NCKAP5: variants seen among roughly 807,000 people sequenced by gnomAD.
The protein encoded by NCKAP5 is NCK associated protein 5, also known as nck-associated protein 5.
Under a neutral mutation model 167.0 loss-of-function variants are expected in NCKAP5, and 92 were observed. The observed-to-expected ratio is 0.55, with a 90% CI of 0.47 to 0.66. NCKAP5 has a LOEUF of 0.66. Among genes scored for constraint, NCKAP5 ranks in the 30% least tolerant of loss-of-function variants. The pLI is 0.00. For missense variants in NCKAP5, 2,378 were observed against 2,315.0 expected (o/e 1.03, Z -0.56); for synonymous variants, 891 against 877.4 (o/e 1.02, Z -0.27).
intron 16 of NCKAP5, among the ~76,000 whole-genome samples, chr2:132,771,499 T>C (rs1350633838): frequency 6.6e-6 from 1 of 152,168 alleles, no homozygotes; most frequent in African/African-American, 2.4e-5. Context: ...ATTGAAGAAA[T>C]TTTTTCCAAT....
intron 9 of NCKAP5, among the ~76,000 whole-genome samples, chr2:132,876,382 G>A (rs1232154516): frequency 6.6e-6 from 1 of 152,152 alleles, no homozygotes; most frequent in Non-Finnish European, 1.5e-5. Context: ...ATAGATATAA[G>A]CCACTGTGCC....
chr2:133,537,840 T>C (rs1303114671), intron 2 of NCKAP5, among the ~76,000 whole-genome samples: 1 of 152,166 alleles, frequency 6.6e-6, no homozygotes, highest in East Asian at 1.9e-4. Flanking sequence ...TTAGAATAAA[T>C]TATAAGACTT....
At chr2:133,243,565 T>G (rs2087828692) in intron 4 of NCKAP5, among the ~76,000 whole-genome samples, 1 of 152,200 alleles carries the variant, frequency 6.6e-6, no homozygotes, top group East Asian at 1.9e-4. Context: ...AACCATTTCT[T>G]ACCCTCACGG....
At chr2:133,256,310 G>T (rs1002671512) in intron 4 of NCKAP5, among the ~76,000 whole-genome samples, 15 of 151,816 alleles carry the variant, frequency 9.9e-5, no homozygotes, top group African/African-American at 3.1e-4. Flanking sequence ...TTACATTGAG[G>T]CATCTAGATG....
At chr2:132,737,705 T>C (rs1029551618) in intron 16 of NCKAP5, among the ~76,000 whole-genome samples, 1 of 152,190 alleles carries the variant, frequency 6.6e-6, no homozygotes, top group Non-Finnish European at 1.5e-5. Flanking sequence ...TAGGGGTGCT[T>C]TGAGGACTAG....
At chr2:133,442,282 G>C (rs1171852258) in intron 3 of NCKAP5, among the ~76,000 whole-genome samples, 2 of 152,110 alleles carry the variant, frequency 1.3e-5, no homozygotes, top group Admixed American at 1.3e-4. Flanking sequence ...TCTAGACAGA[G>C]CTATGCACAT....
intron 12 of NCKAP5, among the ~76,000 whole-genome samples, chr2:132,796,246 G>C (rs1181564247): frequency 6.6e-6 from 1 of 151,568 alleles, no homozygotes; most frequent in Admixed American, 6.6e-5. Context: ...CCCAGCTAGA[G>C]AAAAAAAATG....
intron 4 of NCKAP5, among the ~76,000 whole-genome samples, chr2:133,294,705 T>C (rs1679840405): frequency 6.6e-6 from 1 of 152,224 alleles, no homozygotes; most frequent in Admixed American, 6.5e-5. Flanking sequence ...TTCACTCTAC[T>C]TAGTTAAGAC....
chr2:132,925,090 A>C (rs1421894888), intron 8 of NCKAP5, among the ~76,000 whole-genome samples: 2 of 152,100 alleles, frequency 1.3e-5, no homozygotes, highest in African/African-American at 2.4e-5. Context: ...TTTTGGCACC[A>C]AGGACCAGTT....
chr2:133,484,868 AC>A (rs1680768113), intron 3 of NCKAP5, among the ~76,000 whole-genome samples: 1 of 152,224 alleles, frequency 6.6e-6, no homozygotes, highest in African/African-American at 2.4e-5. Context: ...AGGATACTCG[AC>A]CAGTATGACC....
intron 3 of NCKAP5, among the ~76,000 whole-genome samples, chr2:133,434,848 A>G: frequency 6.6e-6 from 1 of 152,232 alleles, no homozygotes; most frequent in South Asian, 2.1e-4. Context: ...AATTCAATAC[A>G]GGACTGACAG....
At chr2:133,542,629 G>A (rs985431867) in intron 2 of NCKAP5, among the ~76,000 whole-genome samples, 4 of 152,192 alleles carry the variant, frequency 2.6e-5, no homozygotes, top group African/African-American at 9.7e-5. Flanking sequence ...AGTGGCTCCA[G>A]TGTTTGCACA....
chr2:133,430,946 A>G (rs1690123749), intron 3 of NCKAP5, among the ~76,000 whole-genome samples: 1 of 152,024 alleles, frequency 6.6e-6, no homozygotes, highest in Non-Finnish European at 1.5e-5. Context: ...TATCATCAGG[A>G]AGCCAAAATT....
At chr2:133,466,233 G>C (rs1575004600) in intron 3 of NCKAP5, among the ~76,000 whole-genome samples, 1 of 147,702 alleles carries the variant, frequency 6.8e-6, no homozygotes, top group East Asian at 2.0e-4. Flanking sequence ...CATATGGCTA[G>C]CCAGTTTTCC....
chr2:133,022,300 G>GA (rs1559059711), intron 6 of NCKAP5, among the ~76,000 whole-genome samples: 1 of 152,190 alleles, frequency 6.6e-6, no homozygotes, highest in Non-Finnish European at 1.5e-5. Flanking sequence ...ATCTACAAAG[G>GA]AAATCTTCAT....
intron 16 of NCKAP5, among the ~76,000 whole-genome samples, chr2:132,766,278 CAAA>C (rs70973405): frequency 1.8e-4 from 7 of 38,424 alleles, no homozygotes; most frequent in Admixed American, 7.7e-4. Flanking sequence ...GATTCTGTCT[CAAA>C]AAAAAAAAAA....
chr2:132,975,734 G>A (rs948001061), intron 7 of NCKAP5, among the ~76,000 whole-genome samples: 2 of 151,672 alleles, frequency 1.3e-5, no homozygotes, highest in South Asian at 2.1e-4. Context: ...ATGCCATGTA[G>A]ATAGGGAATT....
intron 5 of NCKAP5, among the ~76,000 whole-genome samples, chr2:133,192,573 A>G (rs1417110108): frequency 6.6e-6 from 1 of 152,112 alleles, no homozygotes; most frequent in Non-Finnish European, 1.5e-5. Context: ...AATACAATTC[A>G]ATTAGAAAAC....
chr2:132,784,154 T>G lies in NCKAP5; in HGVS notation c.2657A>C (p.Gln886Pro). 1 of 1,530,700 alleles carries G rather than the reference T, an allele frequency of 6.5e-7. No individual in the cohort carries two copies. The highest frequency in any genetic ancestry group is 1.8e-4 in the Middle Eastern group (1 of 5,648). 94.8% of individuals were successfully genotyped at this position (1,530,700 alleles called of 1,614,324 possible). Residue 886 changes from glutamine to proline, a missense_variant, in exon 14 of 20, where the codon CAG becomes CCG. Gln to Pro is a moderately conservative substitution (Grantham distance 76, BLOSUM62 -1). This residue lies in a region of NCKAP5 where 1,325 missense variants were observed against 1,274.5 expected (regional missense o/e 1.04). Transcript: ENST00000409261. ...CCCTGGAGTCTGACTCTTGGGGCAC[T>G]GGACCCAGTCCCTCCTGCTGGGCAT... The part of the protein sequence containing the change: ...SRMPSRRDWV[Q>P]CPKSQTPGSR...
Sources: allele counts gnomAD v4.1 joint callset (sites outside exome capture counted in the v4.1 genomes callset), GRCh38; gene constraint gnomAD v4.1.1; regional missense constraint gnomAD v4.1.1; transcripts MANE v1.5; gene names NCBI Gene and HGNC (gene_info 2026-07-23, HGNC 2026-07-21).